Variants in PLB1 observed in about 807,000 individuals in gnomAD.
PLB1 encodes the protein phospholipase B1, membrane-associated.
Under a neutral mutation model 227.4 loss-of-function variants are expected in PLB1, and 242 were observed. The ratio of observed to expected loss-of-function variants is 1.06; its 90% CI spans 0.96 to 1.18. PLB1 has a LOEUF of 1.18. Among genes scored for constraint, PLB1 ranks in the 50% most tolerant of loss-of-function variants. PLB1 has a pLI of 0.00. For missense variants in PLB1, 1,858 were observed against 1,816.3 expected, an observed-to-expected ratio of 1.02 and a Z score of -0.42; for synonymous variants, 757 against 682.2, an observed-to-expected ratio of 1.11 and a Z score of -1.71.
At chr2:28,597,887 A>C in intron 33 of PLB1, 118 bp from the exon 34 acceptor site, 1 of 965,268 alleles carries the variant, frequency 1.0e-6, no homozygotes, top group South Asian at 1.3e-5. Context: ...GGTCTGGCCC[A>C]TCTCAAAGGT....
intron 17 of PLB1, among the ~76,000 whole-genome samples, chr2:28,560,941 C>G (rs945998369): frequency 2.0e-5 from 3 of 152,140 alleles, no homozygotes; most frequent in African/African-American, 7.2e-5. Context: ...CAAGCTCGAC[C>G]CTACCACATC....
At chr2:28,615,157 C>G (rs1323048932) in intron 44 of PLB1, among the ~76,000 whole-genome samples, 1 of 152,018 alleles carries the variant, frequency 6.6e-6, no homozygotes, top group Admixed American at 6.6e-5. Flanking sequence ...GGACCATGGA[C>G]CACACAGGCT....
At chr2:28,534,527 C>T (rs552944207) in intron 9 of PLB1, among the ~76,000 whole-genome samples, 6 of 152,240 alleles carry the variant, frequency 3.9e-5, no homozygotes, top group Admixed American at 1.3e-4. Flanking sequence ...TGGATTGGGA[C>T]GTGAAACACA....
rs1355444275 is a variant in PLB1, at chr2:28,598,553, AAC to A, written c.2366-95_2366-94del. The A allele has an allele frequency of 6.6e-6, 6 of 911,854 alleles. No individual in the cohort carries two copies. The African/African-American group carries it at 8.1e-5, about 12-fold the overall frequency. 56.5% of individuals were successfully genotyped at this position (911,854 alleles called of 1,614,324 possible). On this transcript the variant is annotated intron_variant, in intron 34 of 57. Transcript: ENST00000327757. ...TCTCCCCAGGAAGCATGAGGATGAT[AAC>A]ACAGCCCACTTTGGGGACCTAGGTC...
intron 4 of PLB1, among the ~76,000 whole-genome samples, chr2:28,524,409 G>A (rs532825896): frequency 6.6e-6 from 1 of 152,296 alleles, no homozygotes; most frequent in African/African-American, 2.4e-5. Context: ...CTAGACTTAG[G>A]AACTTCAGCA....
chr2:28,516,899 G>A, intron 2 of PLB1, 30 bp downstream of exon 2: 2 of 1,601,012 alleles, frequency 1.2e-6, no homozygotes, highest in Non-Finnish European at 1.7e-6. Flanking sequence ...GGAGGTGCGT[G>A]TGTATGGAGG....
intron 55 of PLB1, 84 bp from the exon 56 acceptor site, chr2:28,632,860 C>T: frequency 1.1e-6 from 1 of 950,124 alleles, no homozygotes; most frequent in Non-Finnish European, 1.7e-6. Context: ...GGAGACATGC[C>T]CAGGGCACCT....
intron 46 of PLB1, 132 bp from the exon 47 acceptor site, chr2:28,620,133 C>T (rs1424570843): frequency 8.7e-6 from 5 of 571,818 alleles, no homozygotes; most frequent in Non-Finnish European, 1.5e-5. Flanking sequence ...TTTAATATGG[C>T]CTGGAGAAAA....
chr2:28,583,999 G>T (rs559386805), intron 25 of PLB1, among the ~76,000 whole-genome samples: 1 of 152,136 alleles, frequency 6.6e-6, no homozygotes, highest in Non-Finnish European at 1.5e-5. Context: ...CTTCCTTCCT[G>T]CAGGTTTTCC....
chr2:28,575,425 A>G (rs1460453136), intron 21 of PLB1, among the ~76,000 whole-genome samples: 1 of 152,084 alleles, frequency 6.6e-6, no homozygotes, highest in East Asian at 1.9e-4. Flanking sequence ...CCTAGGACTC[A>G]TGTGGTTTGG....
chr2:28,629,937 C>T (rs569211305), intron 53 of PLB1, among the ~76,000 whole-genome samples: 1 of 152,306 alleles, frequency 6.6e-6, no homozygotes, highest in African/African-American at 2.4e-5. Flanking sequence ...GAGTCCTACA[C>T]CTGGGCTCAA....
At chr2:28,590,167 C>A in intron 29 of PLB1, 91 bp downstream of exon 29, 1 of 1,103,726 alleles carries the variant, frequency 9.1e-7, no homozygotes, top group Non-Finnish European at 1.4e-6. Flanking sequence ...CCCAGCTCTG[C>A]CTGCCCACCC....
rs773208757 is a variant in PLB1 at position 28,606,555 on chromosome 2, C to T, written c.3117C>T (p.Thr1039=). The T allele has an allele frequency of 1.2e-6, 2 of 1,614,184 alleles. No individual in the cohort carries two copies. The highest frequency in any genetic ancestry group is 2.2e-5 in the South Asian group (2 of 91,084). Residue 1039 remains threonine (T), a synonymous_variant, in exon 43 of 58, where the codon ACC becomes ACT. Transcript: ENST00000327757. ...TLDLRAEMPI[T]CPTQNEPFLR... The stretch of plus-strand genomic sequence containing the variant: ...ACCTGAGAGCAGAGATGCCCATCAC[C>T]TGTCCCACTCAGGTAGTAGGGGAGG...
intron 23 of PLB1, among the ~76,000 whole-genome samples, chr2:28,580,531 A>G (rs1679748231): frequency 6.6e-6 from 1 of 152,214 alleles, no homozygotes; most frequent in Admixed American, 6.5e-5. Context: ...CCTGGCCAAC[A>G]TGGTGAAACC....
At position 28,543,126 on chromosome 2, in the gene PLB1, T is replaced by A. The variant is rs1194704407; in HGVS notation, c.880-86T>A. The A allele has an allele frequency of 3.5e-6, 5 of 1,424,862 alleles. No homozygotes were observed. In the East Asian group the frequency reaches 1.2e-4, roughly 35 times the overall value. 88.3% of individuals were successfully genotyped at this position (1,424,862 alleles called of 1,614,324 possible). A position where few individuals can be genotyped will look rare whatever the true frequency, so the allele number is the denominator to read the frequency against. ...GACAGATCAGGCTGCCCCAACTCTA[T>A]GCCAGAGAGAGCTTCAAAGTGTGTA... On this transcript the variant is annotated intron_variant, in intron 13 of 57. Coordinates refer to ENST00000327757, the MANE Select transcript of PLB1 (RefSeq NM_153021.5).
chr2:28,624,515 T>G (rs1171854682), intron 49 of PLB1, among the ~76,000 whole-genome samples: 4 of 151,712 alleles, frequency 2.6e-5, no homozygotes. Context: ...CTGTCCATCC[T>G]GGTTTATTGG....
chr2:28,533,765 A>C (rs1671324477), intron 9 of PLB1, among the ~76,000 whole-genome samples: 2 of 152,172 alleles, frequency 1.3e-5, no homozygotes, highest in South Asian at 4.1e-4. Flanking sequence ...TTTTCCATAT[A>C]CTTCATCTTG....
intron 37 of PLB1, 137 bp downstream of exon 37, chr2:28,601,469 C>CCACACA (rs3071740): frequency 0.04 from 24,142 of 598,392 alleles, 211 homozygotes; most frequent in Non-Finnish European, 0.052. Flanking sequence ...TATACACATA[C>CCACACA]CACACACACA....
chr2:28,631,145 C>CCTAT (rs1159699689), intron 54 of PLB1, among the ~76,000 whole-genome samples: 9 of 138,820 alleles, frequency 6.5e-5, no homozygotes, highest in African/African-American at 1.4e-4. Context: ...AGCGTGAGAC[C>CCTAT]CTATCTCAAA....
Sources: allele counts gnomAD v4.1 joint callset (sites outside exome capture counted in the v4.1 genomes callset), GRCh38; gene constraint gnomAD v4.1.1; transcripts MANE v1.5; gene names NCBI Gene and HGNC (gene_info 2026-07-23, HGNC 2026-07-21).